RABGAP1: variants seen among roughly 807,000 people sequenced by gnomAD.
RABGAP1 encodes the protein rab GTPase-activating protein 1.
In RABGAP1, 23 loss-of-function variants were observed where a neutral mutation model predicts 137.6. The ratio of observed to expected loss-of-function variants is 0.17; its 90% CI spans 0.12 to 0.24. The LOEUF (loss-of-function observed/expected upper bound fraction) is 0.24, where lower values mean the gene tolerates loss of function less well. Among genes scored for constraint, RABGAP1 ranks in the 10% least tolerant of loss-of-function variants. RABGAP1 has a pLI of 1.00. For synonymous variants in RABGAP1, 451 were observed against 450.7 expected (o/e 1.00, Z -0.01); for missense variants, 906 against 1,275.8 (o/e 0.71, Z 4.42).
At chr9:122,972,675 T>A (rs1835530728) in intron 2 of RABGAP1, among the ~76,000 whole-genome samples, 1 of 152,154 alleles carries the variant, frequency 6.6e-6, no homozygotes, top group African/African-American at 2.4e-5. Context: ...TCAACATCAG[T>A]ATAGTTAGAT....
At chr9:122,998,453 C>G (rs905963221) in intron 9 of RABGAP1, 144 bp from the exon 10 acceptor site, 1 of 660,332 alleles carries the variant, frequency 1.5e-6, no homozygotes, top group Admixed American at 3.0e-5. Flanking sequence ...AGTTATTTGT[C>G]TAGTTATTTT....
intron 13 of RABGAP1, among the ~76,000 whole-genome samples, chr9:123,044,124 C>T (rs989923649): frequency 1.3e-5 from 2 of 151,906 alleles, no homozygotes; most frequent in Non-Finnish European, 2.9e-5. Flanking sequence ...AGGATGGTCT[C>T]GATCTTCTGA....
At chr9:123,047,207 T>G (rs1025204569) in intron 13 of RABGAP1, among the ~76,000 whole-genome samples, 7 of 152,248 alleles carry the variant, frequency 4.6e-5, no homozygotes, top group African/African-American at 1.7e-4. Flanking sequence ...TCAGTACTAA[T>G]CAAAATGTTC....
chr9:123,026,780 CCTCT>C (rs2031995187), intron 13 of RABGAP1, among the ~76,000 whole-genome samples: 1 of 152,180 alleles, frequency 6.6e-6, no homozygotes, highest in African/African-American at 2.4e-5. Flanking sequence ...CTTCCAGAAT[CCTCT>C]TCTGTCCCTT....
intron 13 of RABGAP1, 141 bp downstream of exon 13, chr9:123,020,600 ATGTTTTTTCTGT>A (rs2031564430): frequency 1.1e-6 from 1 of 946,274 alleles, no homozygotes; most frequent in African/African-American, 1.7e-5. Context: ...CAGCTCTAAC[ATGTTTTTTCTGT>A]TGCACGAAGA....
intron 17 of RABGAP1, 69 bp downstream of exon 17, chr9:123,074,497 T>C (rs2034454361): frequency 6.9e-7 from 1 of 1,453,546 alleles, no homozygotes; most frequent in Non-Finnish European, 9.3e-7. Context: ...GATTCTGTTT[T>C]GAGTGTCAGC....
intron 6 of RABGAP1, 103 bp from the exon 7 acceptor site, chr9:122,995,938 G>A: frequency 6.8e-7 from 1 of 1,468,840 alleles, no homozygotes; most frequent in Non-Finnish European, 9.0e-7. Context: ...TGCAAACTAG[G>A]CACAGAAAAG....
intron 13 of RABGAP1, chr9:123,062,315 C>T (rs1478382145): frequency 6.6e-6 from 1 of 152,224 alleles, no homozygotes; most frequent in African/African-American, 2.4e-5. Context: ...TAAGCACTTG[C>T]TTTGACTATT....
intron 1 of RABGAP1, among the ~76,000 whole-genome samples, chr9:122,943,072 C>CTTTTTTTTTTTTT (rs10582436): frequency 1.7e-5 from 2 of 116,174 alleles, no homozygotes; most frequent in African/African-American, 8.5e-5. Flanking sequence ...GGTGCACTTT[C>CTTTTTTTTTTTTT]TTTTTTTTTT....
intron 14 of RABGAP1, among the ~76,000 whole-genome samples, chr9:123,066,697 A>T (rs1032906557): frequency 6.6e-6 from 1 of 152,192 alleles, no homozygotes; most frequent in African/African-American, 2.4e-5. Context: ...AGCTTCAGCT[A>T]TCATCACTGT....
chr9:123,083,046 G>A (rs2034762033), intron 19 of RABGAP1, among the ~76,000 whole-genome samples: 1 of 152,230 alleles, frequency 6.6e-6, no homozygotes, highest in Non-Finnish European at 1.5e-5. Context: ...AATCCTCACA[G>A]TGACCATATG....
intron 24 of RABGAP1, among the ~76,000 whole-genome samples, chr9:123,100,024 A>G (rs990142631): frequency 2.0e-4 from 30 of 152,046 alleles, no homozygotes; most frequent in South Asian, 4.1e-4. Context: ...GGGTCTCACT[A>G]TGTTGCCCAG....
At chr9:123,076,946 C>T (rs2034529284) in intron 19 of RABGAP1, 184 bp downstream of exon 19, 1 of 301,770 alleles carries the variant, frequency 3.3e-6, no homozygotes, top group African/African-American at 2.3e-5. Flanking sequence ...TAACTCTTAA[C>T]CTTTTTTTCC....
rs768566798 is a variant in RABGAP1, at chr9:122,955,838, CTCAG to C, written c.-49-1168_-49-1165del. Reference sequence around the variant, plus strand: ...AAATCCAAAGCATAAATCAGGACTTCTCAGTCAGAGAAATTAAACAGATTTTTAG... The same window carrying C: ...AAATCCAAAGCATAAATCAGGACTTCTCAGAGAAATTAAACAGATTTTTAG... On this transcript the variant is annotated intron_variant, in intron 1 of 25. Transcript: ENST00000373647. 2.0e-5 allele frequency among the ~76,000 whole-genome samples: 3 copies of C among 152,242 alleles called. No homozygotes were observed. The South Asian group carries it at 6.2e-4, about 32-fold the overall frequency.
chr9:123,090,170 T>C (rs2034992704), intron 20 of RABGAP1, 105 bp from the exon 21 acceptor site: 3 of 829,910 alleles, frequency 3.6e-6, no homozygotes, highest in Non-Finnish European at 5.6e-6. Context: ...ATTTCTCTTA[T>C]TGTTTCCATA....
At chr9:123,001,458 A>G (rs566075697) in intron 10 of RABGAP1, among the ~76,000 whole-genome samples, 11 of 152,344 alleles carry the variant, frequency 7.2e-5, no homozygotes, top group Admixed American at 7.2e-4. Flanking sequence ...TGATTCTAGT[A>G]TACCCAAGTT....
At chr9:123,079,847 T>A (rs1262056656) in intron 19 of RABGAP1, among the ~76,000 whole-genome samples, 1 of 152,128 alleles carries the variant, frequency 6.6e-6, no homozygotes, top group Non-Finnish European at 1.5e-5. Context: ...CTTTATGCCA[T>A]TACGTCCTTA....
intron 13 of RABGAP1, among the ~76,000 whole-genome samples, chr9:123,020,701 T>G (rs2031573951): frequency 6.6e-6 from 1 of 152,160 alleles, no homozygotes; most frequent in Non-Finnish European, 1.5e-5. Flanking sequence ...TCCAGATTCT[T>G]TTTTGAGTGT....
At chr9:123,102,607 C>T (rs2035375675) in intron 25 of RABGAP1, among the ~76,000 whole-genome samples, 1 of 152,070 alleles carries the variant, frequency 6.6e-6, no homozygotes, top group Admixed American at 6.5e-5. Context: ...CAATTCCAGG[C>T]AGAGGGAGTG....
Sources: gnomAD v4.1 joint callset for allele counts (sites outside exome capture counted in the v4.1 genomes callset) on GRCh38, gnomAD v4.1.1 for gene constraint, MANE v1.5 for transcripts, NCBI Gene and HGNC (gene_info 2026-07-23, HGNC 2026-07-21) for gene names.